The following EPB41L4A variants were observed in gnomAD, a reference collection of about 807,000 sequenced individuals.
EPB41L4A encodes erythrocyte membrane protein band 4.1 like 4A.
EPB41L4A carries 100 observed loss-of-function variants against 108.6 expected under a neutral mutation model. The ratio of observed to expected loss-of-function variants is 0.92; its 90% CI spans 0.78 to 1.09. The LOEUF is 1.09. Among genes scored for constraint, EPB41L4A ranks in the 50% least tolerant of loss-of-function variants. The pLI, the probability that EPB41L4A is intolerant of heterozygous loss-of-function variation, is 0.00. For missense variants in EPB41L4A, 1,030 were observed against 842.7 expected (o/e 1.22, Z -2.75); for synonymous variants, 319 against 289.0 (o/e 1.10, Z -1.05).
At chr5:112,392,294 G>C (rs1358382325) in intron 1 of EPB41L4A, among the ~76,000 whole-genome samples, 1 of 149,482 alleles carries the variant, frequency 6.7e-6, no homozygotes, top group Non-Finnish European at 1.5e-5. Context: ...TGGATAAAGA[G>C]TCAAGACCCA....
In EPB41L4A at chr5:112,168,977, T is replaced by G. The variant is rs745633414; in HGVS notation, c.1850+18A>C. 4 of 1,585,274 alleles carry G rather than the reference T, an allele frequency of 2.5e-6. No individual in the cohort carries two copies. The highest frequency in any genetic ancestry group is 1.3e-5 in the African/African-American group (1 of 74,274). ...TGGAGCCATGATGGTGATGGTGTAC[T>G]CTGGCCTGCCCACTTACTTCACTTC... On this transcript the variant is annotated intron_variant, in intron 21 of 22. Transcript: ENST00000261486.
intron 2 of EPB41L4A, among the ~76,000 whole-genome samples, chr5:112,286,510 A>G (rs1467093187): frequency 6.6e-6 from 1 of 152,132 alleles, no homozygotes; most frequent in Non-Finnish European, 1.5e-5. Context: ...CCTCACTCTC[A>G]GCTGAAGATC....
intron 6 of EPB41L4A, chr5:112,264,508 A>G (rs1258100048): frequency 6.5e-6 from 1 of 153,724 alleles, no homozygotes; most frequent in Non-Finnish European, 1.4e-5. Flanking sequence ...TGAAAGATTA[A>G]TTTCACAAGA....
chr5:112,289,415 T>C (rs1430640247), intron 2 of EPB41L4A, among the ~76,000 whole-genome samples: 3 of 152,104 alleles, frequency 2.0e-5, no homozygotes, highest in African/African-American at 4.8e-5. Context: ...GGAAAAACTT[T>C]GAGAGGTGCA....
chr5:112,411,378 T>C (rs1376233623), intron 1 of EPB41L4A, among the ~76,000 whole-genome samples: 1 of 152,160 alleles, frequency 6.6e-6, no homozygotes, highest in African/African-American at 2.4e-5. Context: ...CTCTCCCACT[T>C]CTAACAACCA....
chr5:112,302,928 C>T (rs1754460929), intron 2 of EPB41L4A, among the ~76,000 whole-genome samples: 1 of 152,132 alleles, frequency 6.6e-6, no homozygotes, highest in South Asian at 2.1e-4. Context: ...CCCAGATACC[C>T]TTCATGTGTT....
intron 1 of EPB41L4A, among the ~76,000 whole-genome samples, chr5:112,368,980 G>C (rs903437411): frequency 6.6e-6 from 1 of 152,174 alleles, no homozygotes; most frequent in Admixed American, 6.5e-5. Context: ...GGAGCAGAAA[G>C]TTGTATCTCC....
At chr5:112,393,823 T>A (rs1054037526) in intron 1 of EPB41L4A, among the ~76,000 whole-genome samples, 1 of 151,970 alleles carries the variant, frequency 6.6e-6, no homozygotes, top group Non-Finnish European at 1.5e-5. Context: ...CTGATGAACA[T>A]CGATGCAAAA....
At chr5:112,332,699 G>C (rs552486700) in intron 1 of EPB41L4A, among the ~76,000 whole-genome samples, 130 of 152,014 alleles carry the variant, frequency 8.6e-4, no homozygotes, top group Middle Eastern at 6.8e-3. Context: ...GCTAATTCTC[G>C]GAATAACAGA....
chr5:112,346,034 T>C (rs1757639932), intron 1 of EPB41L4A, among the ~76,000 whole-genome samples: 2 of 151,912 alleles, frequency 1.3e-5, no homozygotes, highest in Non-Finnish European at 2.9e-5. Context: ...GTAATAGTCT[T>C]AGATTACTAG....
At chr5:112,259,323 G>A in intron 8 of EPB41L4A, 31 bp from the exon 9 acceptor site, 1 of 1,585,118 alleles carries the variant, frequency 6.3e-7, no homozygotes, top group African/African-American at 1.3e-5. Flanking sequence ...TGTTGCTGCT[G>A]TTTTTAAGTA....
chr5:112,289,761 C>T (rs548275347), intron 2 of EPB41L4A, among the ~76,000 whole-genome samples: 1 of 152,324 alleles, frequency 6.6e-6, no homozygotes, highest in South Asian at 2.1e-4. Flanking sequence ...TCATGCTGCT[C>T]CAGCAGACAC....
chr5:112,271,511 A>G (rs529475320), intron 4 of EPB41L4A, among the ~76,000 whole-genome samples: 42 of 152,306 alleles, frequency 2.8e-4, no homozygotes, highest in African/African-American at 8.7e-4. Context: ...AGGCTATGCA[A>G]TCTTCTCAGG....
intron 13 of EPB41L4A, among the ~76,000 whole-genome samples, chr5:112,208,108 T>TG (rs1358229677): frequency 2.7e-5 from 4 of 150,834 alleles, no homozygotes; most frequent in Non-Finnish European, 4.4e-5. Flanking sequence ...TAGCTGGGAG[T>TG]GGTGGCACAC....
At chr5:112,310,300 T>C (rs1270216453) in intron 1 of EPB41L4A, among the ~76,000 whole-genome samples, 2 of 152,212 alleles carry the variant, frequency 1.3e-5, no homozygotes, top group Non-Finnish European at 2.9e-5. Flanking sequence ...CTTGCTAAAT[T>C]CTTCTTAGTT....
intron 15 of EPB41L4A, 30 bp from the exon 16 acceptor site, chr5:112,195,738 A>C: frequency 6.3e-7 from 1 of 1,597,112 alleles, no homozygotes; most frequent in Non-Finnish European, 8.6e-7. Context: ...CATTTAAGAA[A>C]ACAGGAGATT....
chr5:112,350,755 A>T (rs977703208), intron 1 of EPB41L4A, among the ~76,000 whole-genome samples: 2 of 152,092 alleles, frequency 1.3e-5, no homozygotes, highest in Non-Finnish European at 2.9e-5. Flanking sequence ...GACTTACTTC[A>T]CTCAGTGACC....
At chr5:112,307,304 C>T in intron 2 of EPB41L4A, 82 bp downstream of exon 2, 1 of 817,032 alleles carries the variant, frequency 1.2e-6, no homozygotes, top group Non-Finnish European at 2.0e-6. Flanking sequence ...AGAACCTAAC[C>T]ACCTAAAACC....
At chr5:112,408,817 T>C (rs777902655) in intron 1 of EPB41L4A, among the ~76,000 whole-genome samples, 5 of 145,498 alleles carry the variant, frequency 3.4e-5, no homozygotes, top group Non-Finnish European at 6.0e-5. Flanking sequence ...AATAGGATGA[T>C]AATAAAAAAA....
Sources: gnomAD v4.1 joint callset for allele counts (sites outside exome capture counted in the v4.1 genomes callset) on GRCh38, gnomAD v4.1.1 for gene constraint, MANE v1.5 for transcripts, NCBI Gene and HGNC (gene_info 2026-07-23, HGNC 2026-07-21) for gene names.